GMEB1: variants seen among roughly 807,000 people sequenced by gnomAD.
The protein encoded by GMEB1 is glucocorticoid modulatory element-binding protein 1.
In GMEB1, 6 loss-of-function variants were observed where a neutral mutation model predicts 52.4. That is an observed-to-expected ratio of 0.11 (90% CI 0.06 to 0.23). GMEB1 has a LOEUF of 0.23. Ranked by LOEUF, GMEB1 falls within the 10% of genes least tolerant of loss-of-function variation. The probability of loss-of-function intolerance (pLI) is 1.00; values close to 1 mark genes in which losing one functional copy is unlikely to be tolerated. For missense variants in GMEB1, 486 were observed against 685.6 expected (o/e 0.71, Z 3.25); for synonymous variants, 255 against 244.9 (o/e 1.04, Z -0.38).
chr1:28,681,758 A>G (rs1014681928), intron 1 of GMEB1, among the ~76,000 whole-genome samples: 1 of 151,360 alleles, frequency 6.6e-6, no homozygotes, highest in African/African-American at 2.4e-5. Context: ...GCTGGAGTGC[A>G]ATGGCATGAT....
chr1:28,669,089 A>G (rs1262186384), intron 1 of GMEB1, among the ~76,000 whole-genome samples: 3 of 145,128 alleles, frequency 2.1e-5, no homozygotes, highest in Non-Finnish European at 4.5e-5. Context: ...GGCCGCCCCC[A>G]GCGCAGCCGG....
At chr1:28,694,408 C>T (rs1424923604) in intron 5 of GMEB1, among the ~76,000 whole-genome samples, 1 of 151,032 alleles carries the variant, frequency 6.6e-6, no homozygotes, top group Non-Finnish European at 1.5e-5. Context: ...GTTAGCCAGG[C>T]TGGTCTCGAT....
chr1:28,714,123 C>T lies in GMEB1; in HGVS notation c.1042C>T (p.Leu348=), dbSNP rs1306084944. ...GAAGAAGCAAGGCCAGGATCACAGG[C>T]TGAAATCTCAGACAGTTCAAAATGT... is the stretch of plus-strand genomic sequence containing the variant. ...EQKKQGQDHR[L]KSQTVQNVVL... is the part of the protein sequence containing the mutation. The change falls in exon 10 of 10, where the codon CTG becomes TTG. Residue 348 remains leucine, a synonymous_variant. Transcript: ENST00000373816. The T allele has an allele frequency of 1.5e-5, 25 of 1,613,850 alleles. No homozygotes were observed. Among genetic ancestry groups the T allele is most frequent in the Non-Finnish European group, 1.9e-5 (22 of 1,179,740 alleles).
At chr1:28,709,966 G>GTGT (rs1373475841) in intron 8 of GMEB1, among the ~76,000 whole-genome samples, 1 of 151,952 alleles carries the variant, frequency 6.6e-6, no homozygotes, top group Non-Finnish European at 1.5e-5. Context: ...GGCCAATGTG[G>GTGT]TGAAACCCCA....
At chr1:28,669,763 T>G (rs1290933085) in intron 1 of GMEB1, among the ~76,000 whole-genome samples, 2 of 152,060 alleles carry the variant, frequency 1.3e-5, no homozygotes. Context: ...AACCTATCTT[T>G]TTGAGAGAAG....
intron 5 of GMEB1, 107 bp downstream of exon 5, chr1:28,693,152 A>C: frequency 4.1e-6 from 2 of 492,394 alleles, no homozygotes; most frequent in Non-Finnish European, 3.7e-6. Flanking sequence ...CTTTCTGAAG[A>C]ATTGGCTTGA....
intron 1 of GMEB1, among the ~76,000 whole-genome samples, chr1:28,675,018 CTTTT>C (rs1439790151): frequency 1.2e-5 from 1 of 81,476 alleles, no homozygotes; most frequent in African/African-American, 4.9e-5. Context: ...CGCGCCCGGC[CTTTT>C]TTTTTTTTTT....
At chr1:28,673,345 C>T (rs1047301505) in intron 1 of GMEB1, among the ~76,000 whole-genome samples, 1 of 152,090 alleles carries the variant, frequency 6.6e-6, no homozygotes, top group Non-Finnish European at 1.5e-5. Flanking sequence ...TAACCTCCGC[C>T]TCCTGGGTTC....
chr1:28,709,410 T>C (rs969624909), intron 8 of GMEB1, among the ~76,000 whole-genome samples: 1 of 152,198 alleles, frequency 6.6e-6, no homozygotes, highest in Non-Finnish European at 1.5e-5. Flanking sequence ...GAGTAAGTGT[T>C]ATTAATCCCA....
intron 1 of GMEB1, among the ~76,000 whole-genome samples, chr1:28,670,695 G>C (rs1346913658): frequency 6.6e-6 from 1 of 151,836 alleles, no homozygotes; most frequent in Non-Finnish European, 1.5e-5. Flanking sequence ...GGATGGTTTC[G>C]ATCTCCTGAC....
At chr1:28,696,685 T>A (rs757925779) in intron 5 of GMEB1, among the ~76,000 whole-genome samples, 4 of 152,126 alleles carry the variant, frequency 2.6e-5, no homozygotes, top group Non-Finnish European at 4.4e-5. Flanking sequence ...GCACCAGATC[T>A]TGCTGCAATA....
chr1:28,678,189 C>G lies in GMEB1; in HGVS notation c.-30-5394C>G, dbSNP rs1466399633. Among the ~76,000 whole-genome samples, 49 of 97,668 alleles carry G rather than the reference C, an allele frequency of 5.0e-4. 1 individual carries two copies. The South Asian group carries it at 0.015, about 30-fold the overall frequency. The allele number at this position is 97,668 out of a possible 152,430, so 64.1% of individuals were successfully genotyped here. ...GGGGTATAAGAGTGAGACTTCGTCT[C>G]AAAAAAAAAAAAAAGAAAGGAGAAG... On this transcript the variant is annotated intron_variant, in intron 1 of 9. Transcript: ENST00000373816.
At chr1:28,680,293 A>C (rs1049253288) in intron 1 of GMEB1, among the ~76,000 whole-genome samples, 1 of 152,214 alleles carries the variant, frequency 6.6e-6, no homozygotes. Flanking sequence ...TTGGACAAAA[A>C]TGTATTGCAT....
chr1:28,674,540 A>G (rs530665656), intron 1 of GMEB1, among the ~76,000 whole-genome samples: 3 of 151,174 alleles, frequency 2.0e-5, no homozygotes, highest in Non-Finnish European at 3.0e-5. Flanking sequence ...GATTACAGAC[A>G]TGGGCCACCA....
intron 9 of GMEB1, among the ~76,000 whole-genome samples, chr1:28,713,014 C>A (rs187478658): frequency 4.0e-4 from 61 of 150,942 alleles, no homozygotes; most frequent in Admixed American, 2.2e-3. Context: ...AAACATTAGC[C>A]AGGCGCGGTG....
chr1:28,693,741 G>A (rs1006422241), intron 5 of GMEB1, among the ~76,000 whole-genome samples: 2 of 151,956 alleles, frequency 1.3e-5, no homozygotes, highest in African/African-American at 4.8e-5. Flanking sequence ...GTGAGCCACT[G>A]TGCCCGGCCA....
At chr1:28,681,795 TG>T (rs1669401695) in intron 1 of GMEB1, among the ~76,000 whole-genome samples, 1 of 151,992 alleles carries the variant, frequency 6.6e-6, no homozygotes, top group South Asian at 2.1e-4. Flanking sequence ...CTCCACCTCC[TG>T]GGTTCAAGCG....
intron 8 of GMEB1, among the ~76,000 whole-genome samples, chr1:28,709,063 G>A (rs1430575778): frequency 6.6e-6 from 1 of 151,900 alleles, no homozygotes; most frequent in African/African-American, 2.4e-5. Flanking sequence ...GAACCCGGGA[G>A]GTGGAGCTTG....
At chr1:28,696,138 G>T (rs1346156452) in intron 5 of GMEB1, among the ~76,000 whole-genome samples, 2 of 151,614 alleles carry the variant, frequency 1.3e-5, no homozygotes, top group Admixed American at 1.3e-4. Context: ...CGTGATCTCA[G>T]CTTACTGCAA....
Sources: gnomAD v4.1 joint callset for allele counts (sites outside exome capture counted in the v4.1 genomes callset) on GRCh38, gnomAD v4.1.1 for gene constraint, MANE v1.5 for transcripts, NCBI Gene and HGNC (gene_info 2026-07-23, HGNC 2026-07-21) for gene names.